Variants in ZFYVE1 observed in about 807,000 individuals in gnomAD.
The protein encoded by ZFYVE1 is zinc finger FYVE domain-containing protein 1.
Under a neutral mutation model 74.4 loss-of-function variants are expected in ZFYVE1, and 30 were observed. The observed-to-expected ratio is 0.40, with a 90% CI of 0.30 to 0.55. The LOEUF (loss-of-function observed/expected upper bound fraction) is 0.55. Ranked by LOEUF, ZFYVE1 falls within the 20% of genes least tolerant of loss-of-function variation. The probability of loss-of-function intolerance (pLI) is 0.42; values close to 1 mark genes in which losing one functional copy is unlikely to be tolerated. For missense variants in ZFYVE1, 703 were observed against 1,011.6 expected (o/e 0.69, Z 4.14); for synonymous variants, 335 against 385.1 (o/e 0.87, Z 1.52).
chr14:72,983,604 A>T (rs1893400024), intron 4 of ZFYVE1, among the ~76,000 whole-genome samples: 1 of 151,568 alleles, frequency 6.6e-6, no homozygotes, highest in Admixed American at 6.6e-5. Context: ...TCTATCATTG[A>T]TGGACATTTG....
chr14:73,019,502 AACTGATAGAC>A (rs1894270597), intron 2 of ZFYVE1, among the ~76,000 whole-genome samples: 1 of 152,204 alleles, frequency 6.6e-6, no homozygotes, highest in African/African-American at 2.4e-5. Context: ...ATCAGAACCT[AACTGATAGAC>A]ACTTTACTGC....
At position 72,973,998 on chromosome 14, in the gene ZFYVE1, C is replaced by T. The variant is rs79776627; in HGVS notation, c.2101+82G>A. The T allele has an allele frequency of 4.5e-3, 5,624 of 1,252,138 alleles. 19 individuals are homozygous for T. Among genetic ancestry groups the T allele is most frequent in the Non-Finnish European group, 5.9e-3 (5,082 of 860,362 alleles). 77.6% of individuals were successfully genotyped at this position (1,252,138 alleles called of 1,614,324 possible). On this transcript the variant is annotated intron_variant, in intron 11 of 11. Coordinates refer to ENST00000556143, the MANE Select transcript of ZFYVE1 (RefSeq NM_021260.4). ...ACCCATCTCAATCTAGGTTGGCAAGCCTTTACAAAGTGACAGCCCAGGGCA... is the reference window on the plus strand; with the variant it reads ...ACCCATCTCAATCTAGGTTGGCAAGTCTTTACAAAGTGACAGCCCAGGGCA...
intron 2 of ZFYVE1, among the ~76,000 whole-genome samples, chr14:73,009,360 C>T (rs1894042116): frequency 6.6e-6 from 1 of 152,212 alleles, no homozygotes; most frequent in African/African-American, 2.4e-5. Context: ...CCCAGAATAA[C>T]TTGTAGTAAA....
rs754316698 is a variant in ZFYVE1, at chr14:72,993,404, A to AG, written c.989-48_989-47insC. On this transcript the variant is annotated intron_variant, in intron 3 of 11. Transcript: ENST00000556143. ...CACATGGGTAGTGAGTGACATTTAA[A>AG]AAAAAAAAAAAAAGTAGGCCAGGCA... 8,806 of 1,323,560 alleles carry AG rather than the reference A, an allele frequency of 6.7e-3. 1 individual carries two copies. Among genetic ancestry groups the AG allele is most frequent in the East Asian group, 0.019 (688 of 35,444 alleles). 82.0% of individuals were successfully genotyped at this position (1,323,560 alleles called of 1,614,324 possible). A position where few individuals can be genotyped will look rare whatever the true frequency, so the allele number is the denominator to read the frequency against.
intron 2 of ZFYVE1, among the ~76,000 whole-genome samples, chr14:73,009,928 T>A (rs570517373): frequency 4.3e-4 from 66 of 151,878 alleles, no homozygotes; most frequent in African/African-American, 1.4e-3. Context: ...GGCAATATCA[T>A]GAGACCTCAT....
Position 72,974,808 on chromosome 14 carries a change from T to C in ZFYVE1, c.1958A>G (p.Asn653Ser), listed in dbSNP as rs760475141. 23 of 1,605,206 alleles carry C rather than the reference T, an allele frequency of 1.4e-5. No individual in the cohort carries two copies. Among genetic ancestry groups the C allele is most frequent in the Non-Finnish European group, 1.9e-5 (22 of 1,173,212 alleles). The change falls in exon 10 of 12, where the codon AAC (asparagine) becomes AGC (serine). Residue 653 changes from asparagine (N) to serine (S), a missense_variant. Physicochemically the swap from Asn to Ser is conservative, Grantham distance 46. This residue lies in a region of ZFYVE1 where 492 missense variants were observed against 790.0 expected (regional missense o/e 0.62). Transcript: ENST00000556143. ...WGPAPVRVCD[N>S]CYEARNVQLA... ...CTGGACGTTCCTGGCTTCGTAGCAG[T>C]TGTCACAGACCCGCACTGGCGCAGG...
chr14:72,994,113 G>A lies in ZFYVE1; in HGVS notation c.989-756C>T, dbSNP rs142052603. Reference sequence around the variant, plus strand: ...TGAGGTGGGTGGATCACCTGAGGTCGGGAGTTCGAGACCAGCCTGGCCAAC... The same window carrying A: ...TGAGGTGGGTGGATCACCTGAGGTCAGGAGTTCGAGACCAGCCTGGCCAAC... On this transcript the variant is annotated intron_variant, in intron 3 of 11. Transcript: ENST00000556143. Among the ~76,000 whole-genome samples the A allele has an allele frequency of 6.2e-4, 94 of 150,902 alleles. 1 individual carries two copies. The highest frequency in any genetic ancestry group is 2.1e-3 in the African/African-American group (88 of 41,152).
At chr14:72,992,839 G>A (rs1272100586) in intron 4 of ZFYVE1, among the ~76,000 whole-genome samples, 1 of 152,174 alleles carries the variant, frequency 6.6e-6, no homozygotes, top group East Asian at 1.9e-4. Context: ...TCCAGATTAA[G>A]TGAGACTCAA....
chr14:73,004,020 A>C (rs1014158234), intron 2 of ZFYVE1, among the ~76,000 whole-genome samples: 32 of 152,156 alleles, frequency 2.1e-4, no homozygotes, highest in African/African-American at 7.7e-4. Context: ...TACATCTTCC[A>C]CAGGGCTGAA....
intron 4 of ZFYVE1, among the ~76,000 whole-genome samples, chr14:72,989,242 A>G (rs1893554262): frequency 6.6e-6 from 1 of 152,212 alleles, no homozygotes; most frequent in Non-Finnish European, 1.5e-5. Flanking sequence ...TGCAATTTCT[A>G]TAAGCATATA....
chr14:72,987,009 TC>T, intron 4 of ZFYVE1: 1 of 979,316 alleles, frequency 1.0e-6, no homozygotes, highest in Non-Finnish European at 1.2e-6. Flanking sequence ...TTGAGGCAAG[TC>T]TGGAAAAGGT....
chr14:73,017,192 T>C (rs1194791808), intron 2 of ZFYVE1, among the ~76,000 whole-genome samples: 2 of 152,226 alleles, frequency 1.3e-5, no homozygotes, highest in Admixed American at 1.3e-4. Context: ...TATTTTCCAC[T>C]TCACTAGTGT....
chr14:73,025,628 G>A (rs539201745), intron 1 of ZFYVE1, among the ~76,000 whole-genome samples: 36 of 150,626 alleles, frequency 2.4e-4, no homozygotes, highest in Non-Finnish European at 4.1e-4. Context: ...CCCAGGAGGC[G>A]GAGGTTGCAG....
chr14:73,023,361 ATATGTTTTATATATAATATATATATTT>A (rs1894380492), intron 2 of ZFYVE1, among the ~76,000 whole-genome samples: 1 of 56,104 alleles, frequency 1.8e-5, no homozygotes, highest in Non-Finnish European at 3.5e-5. Flanking sequence ...TATATATTAT[ATATGTTTTATATATAATATATATATTT>A]TATGTGTTTT....
intron 2 of ZFYVE1, among the ~76,000 whole-genome samples, chr14:73,019,803 T>C (rs942183895): frequency 6.6e-6 from 1 of 151,538 alleles, no homozygotes; most frequent in African/African-American, 2.4e-5. Flanking sequence ...AATACAAAAA[T>C]TAGCCAGGCG....
chr14:72,997,119 G>T (rs755677223), intron 3 of ZFYVE1, among the ~76,000 whole-genome samples: 1 of 152,092 alleles, frequency 6.6e-6, no homozygotes, highest in Admixed American at 6.6e-5. Context: ...TGAACTGTCC[G>T]TGGTCCTAAG....
In ZFYVE1 at chr14:73,012,554, G is replaced by A. The variant is rs1039744588; in HGVS notation, c.483+11472C>T. 5.9e-5 allele frequency among the ~76,000 whole-genome samples: 9 copies of A among 152,142 alleles called. No homozygotes were observed. In the South Asian group the frequency reaches 1.2e-3, roughly 21 times the overall value. ...GGAGAATTGCTTGAACCCAGGAGGCGGAGGTTGCAGTGAGCTGAGATAGTG... is the reference window on the plus strand; with the variant it reads ...GGAGAATTGCTTGAACCCAGGAGGCAGAGGTTGCAGTGAGCTGAGATAGTG... On this transcript the variant is annotated intron_variant, in intron 2 of 11. Transcript: ENST00000556143.
At chr14:72,987,059 G>A (rs1893500426) in intron 4 of ZFYVE1, 2 of 683,734 alleles carry the variant, frequency 2.9e-6, no homozygotes, top group Non-Finnish European at 3.6e-6. Flanking sequence ...TAGTTGCCTT[G>A]ACAACAGTGT....
intron 2 of ZFYVE1, among the ~76,000 whole-genome samples, chr14:73,006,457 C>G (rs1318780478): frequency 6.6e-6 from 1 of 151,386 alleles, no homozygotes; most frequent in Non-Finnish European, 1.5e-5. Flanking sequence ...TGCCTGTAAT[C>G]CCAGCTACTC....
Sources: allele counts gnomAD v4.1 joint callset (sites outside exome capture counted in the v4.1 genomes callset), GRCh38; gene constraint gnomAD v4.1.1; regional missense constraint gnomAD v4.1.1; transcripts MANE v1.5; gene names NCBI Gene and HGNC (gene_info 2026-07-23, HGNC 2026-07-21).